Variants in MYBL2 observed in about 807,000 individuals in gnomAD.
MYBL2 encodes the protein MYB proto-oncogene like 2.
MYBL2 carries 28 observed loss-of-function variants against 79.9 expected under a neutral mutation model. That is an observed-to-expected ratio of 0.35 (90% CI 0.26 to 0.48). The LOEUF is 0.48. Ranked by LOEUF, MYBL2 falls within the 20% of genes least tolerant of loss-of-function variation. The probability of loss-of-function intolerance (pLI) is 0.99; values close to 1 mark genes in which losing one functional copy is unlikely to be tolerated. For synonymous variants in MYBL2, 378 were observed against 361.2 expected, an observed-to-expected ratio of 1.05 and a Z score of -0.53; for missense variants, 735 against 893.9, an observed-to-expected ratio of 0.82 and a Z score of 2.27.
At chr20:43,671,748 G>C (rs1986863164) in intron 1 of MYBL2, among the ~76,000 whole-genome samples, 1 of 151,938 alleles carries the variant, frequency 6.6e-6, no homozygotes, top group Non-Finnish European at 1.5e-5. Flanking sequence ...GGGATTACAG[G>C]TGTGAGCCAC....
chr20:43,700,756 C>T (rs2145727739), intron 7 of MYBL2, among the ~76,000 whole-genome samples: 1 of 152,228 alleles, frequency 6.6e-6, no homozygotes, highest in African/African-American at 2.4e-5. Flanking sequence ...TGCGTGGTAT[C>T]CTGTGAGGTG....
chr20:43,706,106 C>T (rs901933798), intron 9 of MYBL2, among the ~76,000 whole-genome samples: 5 of 152,178 alleles, frequency 3.3e-5, no homozygotes, highest in African/African-American at 7.2e-5. Flanking sequence ...GGATTACAGG[C>T]GTGAGCTACT....
Position 43,702,822 on chromosome 20 carries a change from C to G in MYBL2, c.1284C>G (p.Thr428=), listed in dbSNP as rs1316318814. ...TGTCCCCTGTCACTGAGAATAGCAC[C>G]AGTCTGTCCTTCCTGGATTCCTGTA... ...VALSPVTENS[T]SLSFLDSCNS... is the part of the protein sequence containing the mutation. Residue 428 remains threonine (T), a synonymous_variant, in exon 8 of 14, where the codon ACC becomes ACG. Transcript: ENST00000217026. The G allele has an allele frequency of 6.2e-7, 1 of 1,613,866 alleles. No homozygotes were observed. The highest frequency in any genetic ancestry group is 1.1e-5 in the South Asian group (1 of 91,082).
chr20:43,714,319 G>T lies in MYBL2; in HGVS notation c.1825-815G>T, dbSNP rs577521839. ...TTGAAGCTGCGTCTTTATGATGCTT[G>T]TGGATGTTTCTGGTCCCAGGAAAAC... On this transcript the variant is annotated intron_variant, in intron 12 of 13. Coordinates refer to ENST00000217026, the MANE Select transcript of MYBL2 (RefSeq NM_002466.4). Among the ~76,000 whole-genome samples the T allele has an allele frequency of 8.5e-5, 13 of 152,348 alleles. No homozygotes were observed. In the South Asian group the frequency reaches 1.0e-3, roughly 12 times the overall value.
chr20:43,712,942 G>T, intron 11 of MYBL2, 60 bp from the exon 12 acceptor site: 3 of 1,345,874 alleles, frequency 2.2e-6, no homozygotes, highest in Non-Finnish European at 3.1e-6. Flanking sequence ...GACCATCCAG[G>T]TGCTGACCAT....
At chr20:43,681,906 A>G in intron 3 of MYBL2, 51 bp downstream of exon 3, 2 of 1,590,470 alleles carry the variant, frequency 1.3e-6, no homozygotes, top group South Asian at 1.1e-5. Context: ...CTCTGGGAGA[A>G]CAGTGTGCCT....
At chr20:43,681,762 C>T (rs1568853295) in intron 2 of MYBL2, 22 bp from the exon 3 acceptor site, 1 of 1,614,090 alleles carries the variant, frequency 6.2e-7, no homozygotes, top group Admixed American at 1.7e-5. Context: ...GTGCTGAGCC[C>T]CTGTCTTTCT....
intron 2 of MYBL2, among the ~76,000 whole-genome samples, chr20:43,675,886 T>A (rs903358372): frequency 6.8e-6 from 1 of 147,406 alleles, no homozygotes; most frequent in Non-Finnish European, 1.5e-5. Context: ...GTTACCTAGG[T>A]AATAAGCGTG....
chr20:43,677,847 T>C (rs1451856585), intron 2 of MYBL2, among the ~76,000 whole-genome samples: 30 of 150,996 alleles, frequency 2.0e-4, no homozygotes, highest in Non-Finnish European at 3.3e-4. Flanking sequence ...ACAATGGCAG[T>C]TTTGTGGAAT....
At chr20:43,687,805 C>T (rs1229909823) in intron 5 of MYBL2, among the ~76,000 whole-genome samples, 2 of 151,984 alleles carry the variant, frequency 1.3e-5, no homozygotes, top group Non-Finnish European at 2.9e-5. Flanking sequence ...CACTTGAGGT[C>T]AGGAGTTCGA....
chr20:43,683,380 GCTCAGAGAGGTTGGGGATGTCCCCAAC>G (rs1987187682), intron 4 of MYBL2, among the ~76,000 whole-genome samples: 1 of 152,066 alleles, frequency 6.6e-6, no homozygotes, highest in Non-Finnish European at 1.5e-5. Flanking sequence ...AGAGAGCAAG[GCTCAGAGAGGTTGGGGATGTCCCCAAC>G]CTAGAAGAGG....
At position 43,711,586 on chromosome 20, in the gene MYBL2, G is replaced by A. The variant is rs375856534; in HGVS notation, c.1704G>A (p.Gln568=). 5.0e-5 allele frequency: 80 copies of A among 1,613,038 alleles called. No homozygotes were observed. The African/African-American group carries it at 1.0e-3, about 20-fold the overall frequency. The change falls in exon 11 of 14, where the codon CAG becomes CAA. Residue 568 remains glutamine (Q), a synonymous_variant. Coordinates refer to ENST00000217026, the MANE Select transcript of MYBL2 (RefSeq NM_002466.4). ...IIEDDIRPEK[Q]KRKPGLRRSP... ...AGGACGACATCAGGCCCGAGAAGCA[G>A]AAGAGGAAGCCTGGGGTGAGTAGGG...
intron 7 of MYBL2, 28 bp downstream of exon 7, chr20:43,700,072 A>G: frequency 1.2e-6 from 2 of 1,603,092 alleles, no homozygotes; most frequent in Non-Finnish European, 1.7e-6. Flanking sequence ...CTTCACAGTG[A>G]GCACAGAACA....
At chr20:43,714,762 C>G (rs1299961797) in intron 12 of MYBL2, among the ~76,000 whole-genome samples, 3 of 152,040 alleles carry the variant, frequency 2.0e-5, no homozygotes, top group Admixed American at 1.3e-4. Flanking sequence ...TCCCAAGTAG[C>G]TGGGACAACA....
chr20:43,701,802 C>T (rs1010297662), intron 7 of MYBL2, among the ~76,000 whole-genome samples: 1 of 152,164 alleles, frequency 6.6e-6, no homozygotes, highest in Non-Finnish European at 1.5e-5. Context: ...GAGAGGATCA[C>T]GTGAGCCCAG....
intron 8 of MYBL2, 143 bp from the exon 9 acceptor site, chr20:43,705,076 C>T: frequency 9.7e-7 from 1 of 1,033,838 alleles, no homozygotes; most frequent in Non-Finnish European, 1.4e-6. Flanking sequence ...TCTCGGGTGT[C>T]TGATGGGTCA....
chr20:43,709,443 C>G (rs1223538840), intron 9 of MYBL2, among the ~76,000 whole-genome samples: 1 of 152,178 alleles, frequency 6.6e-6, no homozygotes, highest in East Asian at 1.9e-4. Context: ...TGCTTCTGGA[C>G]CAGACCATCC....
intron 4 of MYBL2, among the ~76,000 whole-genome samples, chr20:43,683,213 G>T (rs1028018194): frequency 6.6e-6 from 1 of 152,158 alleles, no homozygotes; most frequent in Non-Finnish European, 1.5e-5. Context: ...GGGCTTGCAG[G>T]TTCTGTACAT....
intron 8 of MYBL2, 87 bp downstream of exon 8, chr20:43,702,990 T>C: frequency 2.9e-6 from 4 of 1,400,512 alleles, no homozygotes; most frequent in Non-Finnish European, 3.9e-6. Context: ...AAACGAGACC[T>C]GGCTCTGCCC....
Sources: allele counts gnomAD v4.1 joint callset (sites outside exome capture counted in the v4.1 genomes callset), GRCh38; gene constraint gnomAD v4.1.1; transcripts MANE v1.5; gene names NCBI Gene and HGNC (gene_info 2026-07-23, HGNC 2026-07-21).